The following EDIL3 variants were observed in gnomAD, a reference collection of about 807,000 sequenced individuals.
The protein encoded by EDIL3 is EGF like and discoidin domains 3.
In EDIL3, 37 loss-of-function variants were observed where a neutral mutation model predicts 67.4. The ratio of observed to expected loss-of-function variants is 0.55; its 90% CI spans 0.42 to 0.72. The LOEUF is 0.72. Ranked by LOEUF, EDIL3 falls within the 30% of genes least tolerant of loss-of-function variation. EDIL3 has a pLI of 0.00. For missense variants in EDIL3, 527 were observed against 586.3 expected (o/e 0.90, Z 1.04); for synonymous variants, 195 against 196.3 (o/e 0.99, Z 0.05).
intron 1 of EDIL3, among the ~76,000 whole-genome samples, chr5:84,272,513 A>G (rs1228859697): frequency 6.6e-6 from 1 of 152,146 alleles, no homozygotes; most frequent in African/African-American, 2.4e-5. Context: ...GTAACTACAC[A>G]TATGTATGTG....
chr5:84,360,355 A>G (rs1489812985), intron 1 of EDIL3, among the ~76,000 whole-genome samples: 2 of 152,206 alleles, frequency 1.3e-5, no homozygotes, highest in African/African-American at 4.8e-5. Flanking sequence ...AAATATAGGA[A>G]CAATCTTTTT....
At chr5:84,047,601 C>A (rs548245236) in intron 9 of EDIL3, 1 of 152,088 alleles carries the variant, frequency 6.6e-6, no homozygotes, top group Non-Finnish European at 1.5e-5. Context: ...TTTCTGATTT[C>A]TTTGGATTCG....
chr5:84,210,627 C>T (rs918258913), intron 3 of EDIL3, among the ~76,000 whole-genome samples: 13 of 151,778 alleles, frequency 8.6e-5, no homozygotes, highest in African/African-American at 3.1e-4. Flanking sequence ...ATTATAGTTC[C>T]TGCCTAAATT....
At chr5:84,169,414 T>C (rs181596636) in intron 4 of EDIL3, among the ~76,000 whole-genome samples, 2 of 152,158 alleles carry the variant, frequency 1.3e-5, no homozygotes, top group East Asian at 3.9e-4. Flanking sequence ...CTTATATTGA[T>C]ATGTGTATGT....
chr5:84,179,513 G>T (rs1417339286), intron 4 of EDIL3, among the ~76,000 whole-genome samples: 2 of 152,190 alleles, frequency 1.3e-5, no homozygotes, highest in African/African-American at 4.8e-5. Flanking sequence ...AAGGCACTCT[G>T]TTTTTTGCTG....
At chr5:83,997,349 A>C (rs1404634631) in intron 9 of EDIL3, among the ~76,000 whole-genome samples, 1 of 152,204 alleles carries the variant, frequency 6.6e-6, no homozygotes, top group African/African-American at 2.4e-5. Context: ...GAGGATGGAA[A>C]GAAATGCACA....
intron 9 of EDIL3, among the ~76,000 whole-genome samples, chr5:83,980,030 C>T (rs776467072): frequency 8.5e-5 from 13 of 152,136 alleles, no homozygotes; most frequent in Non-Finnish European, 1.9e-4. Context: ...TCCCTTCCCA[C>T]CTCTCACTGT....
At chr5:84,000,781 A>G (rs1390536743) in intron 9 of EDIL3, among the ~76,000 whole-genome samples, 1 of 152,086 alleles carries the variant, frequency 6.6e-6, no homozygotes, top group Non-Finnish European at 1.5e-5. Flanking sequence ...TTCACTAAGC[A>G]CAATGGAATA....
At position 84,000,932 on chromosome 5, in the gene EDIL3, C is replaced by T. The variant is rs540846290; in HGVS notation, c.1138-37572G>A. On this transcript the variant is annotated intron_variant, in intron 9 of 10. Transcript: ENST00000296591. ...AATAAAATTTAAAAATTTTTTGAAACAAAAGAAAATGGAAACACAACATAC... is the reference window on the plus strand; with the variant it reads ...AATAAAATTTAAAAATTTTTTGAAATAAAAGAAAATGGAAACACAACATAC... 2.1e-3 allele frequency among the ~76,000 whole-genome samples: 318 copies of T among 150,838 alleles called. 2 individuals are homozygous for T. The highest frequency in any genetic ancestry group is 7.5e-3 in the African/African-American group (310 of 41,114).
rs79487613 is a variant in EDIL3, at chr5:83,986,725, C to T, written c.1138-23365G>A. Among the ~76,000 whole-genome samples the T allele has an allele frequency of 9.5e-3, 1,439 of 152,112 alleles. 27 individuals carry two copies. Among genetic ancestry groups the T allele is most frequent in the African/African-American group, 0.033 (1,377 of 41,510 alleles). On this transcript the variant is annotated intron_variant, in intron 9 of 10. Coordinates refer to ENST00000296591, the MANE Select transcript of EDIL3 (RefSeq NM_005711.5). ...ACAAAATACCTGTAGAAGGGACAGC[C>T]AGCAGAGTCCAGGTGAACCTGAACA...
intron 6 of EDIL3, among the ~76,000 whole-genome samples, chr5:84,067,926 T>G (rs1402074213): frequency 6.6e-6 from 1 of 152,206 alleles, no homozygotes; most frequent in African/African-American, 2.4e-5. Flanking sequence ...TGGACTCAGA[T>G]ATCCAAGTTA....
rs193162160 is a variant in EDIL3, at chr5:84,228,102, A to T, written c.226+1753T>A. 2.3e-3 allele frequency among the ~76,000 whole-genome samples: 345 copies of T among 152,170 alleles called. 1 individual carries two copies. The highest frequency in any genetic ancestry group is 6.7e-3 in the African/African-American group (279 of 41,544). The stretch of plus-strand genomic sequence containing the variant: ...TATTTTATACTTACATTACATTTCA[A>T]TTTGGAATAGTGGAGTGTTCAATAG... On this transcript the variant is annotated intron_variant, in intron 3 of 10. Transcript: ENST00000296591.
At position 84,237,952 on chromosome 5, in the gene EDIL3, C is replaced by A. The variant is rs952140159; in HGVS notation, c.197-8068G>T. Reference sequence around the variant, plus strand: ...ACAAACAAATGACTGATCCATGTGCCTGGCAGATGCAGCCTTAGACCAATT... The same window carrying A: ...ACAAACAAATGACTGATCCATGTGCATGGCAGATGCAGCCTTAGACCAATT... On this transcript the variant is annotated intron_variant, in intron 2 of 10. Coordinates refer to ENST00000296591, the MANE Select transcript of EDIL3 (RefSeq NM_005711.5). Among the ~76,000 whole-genome samples, 5 of 152,096 alleles carry A rather than the reference C, an allele frequency of 3.3e-5. No homozygotes were observed. In the East Asian group the frequency reaches 9.6e-4, roughly 29 times the overall value.
Position 84,299,861 on chromosome 5 carries a change from G to A in EDIL3, c.68-45649C>T, listed in dbSNP as rs187239638. On this transcript the variant is annotated intron_variant, in intron 1 of 10. Coordinates refer to ENST00000296591, the MANE Select transcript of EDIL3 (RefSeq NM_005711.5). ...GTACCAATATTTTTGTTTGCCTGTA[G>A]AGCAATCATTATCAGCCCATAAATG... Among the ~76,000 whole-genome samples, 84 of 152,216 alleles carry A rather than the reference G, an allele frequency of 5.5e-4. No homozygotes were observed. In the East Asian group the frequency reaches 9.9e-3, roughly 18 times the overall value.
intron 9 of EDIL3, among the ~76,000 whole-genome samples, chr5:83,982,092 A>G (rs866343396): frequency 5.3e-5 from 8 of 152,188 alleles, no homozygotes; most frequent in Middle Eastern, 3.4e-3. Context: ...AGTTTTACCA[A>G]AAAAAATCTA....
intron 9 of EDIL3, among the ~76,000 whole-genome samples, chr5:84,049,020 G>T (rs1228270124): frequency 6.6e-6 from 1 of 152,112 alleles, no homozygotes; most frequent in Non-Finnish European, 1.5e-5. Context: ...GAAAGCCAGT[G>T]ATAACAGACA....
intron 1 of EDIL3, among the ~76,000 whole-genome samples, chr5:84,291,822 TAC>T (rs552253240): frequency 6.8e-6 from 1 of 146,358 alleles, no homozygotes; most frequent in African/African-American, 2.6e-5. Flanking sequence ...CACATATATA[TAC>T]ACACACATAT....
At chr5:84,348,094 T>C (rs887179237) in intron 1 of EDIL3, among the ~76,000 whole-genome samples, 1 of 152,144 alleles carries the variant, frequency 6.6e-6, no homozygotes, top group Non-Finnish European at 1.5e-5. Context: ...ACACAGTCAG[T>C]AAACAGAGTG....
chr5:84,334,879 T>C (rs1746954400), intron 1 of EDIL3, among the ~76,000 whole-genome samples: 4 of 152,196 alleles, frequency 2.6e-5, no homozygotes. Context: ...TATAAAATTT[T>C]AAACTAAATT....
Sources: gnomAD v4.1 joint callset for allele counts (sites outside exome capture counted in the v4.1 genomes callset) on GRCh38, gnomAD v4.1.1 for gene constraint, MANE v1.5 for transcripts, NCBI Gene and HGNC (gene_info 2026-07-23, HGNC 2026-07-21) for gene names.